The following CCNF variants were observed in gnomAD, a reference collection of about 807,000 sequenced individuals.
The protein encoded by CCNF is cyclin F, also known as cyclin-F.
In CCNF, 30 loss-of-function variants were observed where a neutral mutation model predicts 85.4. The observed-to-expected ratio is 0.35, with a 90% CI of 0.26 to 0.48. CCNF has a LOEUF of 0.48. Ranked by LOEUF, CCNF falls within the 20% of genes least tolerant of loss-of-function variation. The probability of loss-of-function intolerance (pLI) is 0.99; values close to 1 mark genes in which losing one functional copy is unlikely to be tolerated. For missense variants in CCNF, 919 were observed against 1,010.4 expected (o/e 0.91, Z 1.23); for synonymous variants, 439 against 425.1 (o/e 1.03, Z -0.40).
At chr16:2,437,059 G>C in intron 4 of CCNF, 70 bp from the exon 5 acceptor site, 6 of 1,338,210 alleles carry the variant, frequency 4.5e-6, no homozygotes, top group African/African-American at 1.5e-5. Flanking sequence ...TTTCCACCAA[G>C]ACCATGGAGA....
intron 3 of CCNF, 107 bp from the exon 4 acceptor site, chr16:2,435,699 A>G (rs2065287255): frequency 2.1e-6 from 1 of 471,000 alleles, no homozygotes. Flanking sequence ...ATATATATAT[A>G]TATATTCAAT....
In CCNF at chr16:2,454,332, A is replaced by G. The variant is rs370555054; in HGVS notation, c.1715+795A>G. ...CTTTCCATTGTGTGGAAGGCAGGAGACCTGACCCTCCTGTGTCACTCCACA... is the reference window on the plus strand; with the variant it reads ...CTTTCCATTGTGTGGAAGGCAGGAGGCCTGACCCTCCTGTGTCACTCCACA... On this transcript the variant is annotated intron_variant, in intron 15 of 16. Coordinates refer to ENST00000397066, the MANE Select transcript of CCNF (RefSeq NM_001761.3). Among the ~76,000 whole-genome samples, 13 of 152,244 alleles carry G rather than the reference A, an allele frequency of 8.5e-5. No individual in the cohort carries two copies. The East Asian group carries it at 1.4e-3, about 16-fold the overall frequency.
rs758999973 is a variant in CCNF, at chr16:2,456,764, A to G, written c.2105A>G (p.Tyr702Cys). 1.9e-6 allele frequency: 3 copies of G among 1,612,756 alleles called. No homozygotes were observed. Among genetic ancestry groups the G allele is most frequent in the South Asian group, 1.1e-5 (1 of 90,976 alleles). ...EPGKDVTTSGYSSVSTASPTS... is the reference protein window; with the variant it reads ...EPGKDVTTSGCSSVSTASPTS... ...GGGAAGGACGTCACGACCTCAGGGT[A>G]CTCCTCCGTCAGCACCGCAAGTCCC... Residue 702 changes from tyrosine (Y) to cysteine (C), a missense_variant, in exon 17 of 17, where the codon TAC becomes TGC. This residue lies in a region of CCNF where 505 missense variants were observed against 514.8 expected (regional missense o/e 0.98). Coordinates refer to ENST00000397066, the MANE Select transcript of CCNF (RefSeq NM_001761.3). This position sits in a 1 kb window ranked among gnomAD's most constrained non-coding sequence, Gnocchi z 4.5.
At chr16:2,450,452 G>C (rs1322296345) in intron 13 of CCNF, among the ~76,000 whole-genome samples, 1 of 151,574 alleles carries the variant, frequency 6.6e-6, no homozygotes, top group Admixed American at 6.6e-5. Flanking sequence ...CAGAGGTTGC[G>C]GTGAGCCGAG....
chr16:2,443,110 A>G (rs2065341284), intron 8 of CCNF, among the ~76,000 whole-genome samples: 1 of 133,032 alleles, frequency 7.5e-6, no homozygotes, highest in African/African-American at 2.8e-5. Context: ...TTTATATATA[A>G]TATATTACAT....
rs1428319625 is a variant in CCNF at position 2,438,104 on chromosome 16, G to A, written c.575G>A (p.Arg192Lys). 6.2e-7 allele frequency: 1 copy of A among 1,611,584 alleles called. No homozygotes were observed. Among genetic ancestry groups the A allele is most frequent in the African/African-American group, 1.3e-5 (1 of 74,874 alleles). ...HKASILHCLG[R>K]VLSLFEDEEK... ...GCATCCATATTGCACTGCTTGGGCA[G>A]AGTGCTGAGTCTGTTCGAGGTGAGT... Residue 192 changes from arginine to lysine, a missense_variant, in exon 6 of 17, where the codon AGA (arginine) becomes AAA (lysine). Around this residue, in one of 3 missense-constraint regions of CCNF, gnomAD observed 410 missense variants for 478.6 expected, o/e 0.86. Transcript: ENST00000397066.
intron 8 of CCNF, among the ~76,000 whole-genome samples, chr16:2,442,890 A>G (rs191881140): frequency 1.5e-4 from 1 of 6,790 alleles, no homozygotes; most frequent in South Asian, 3.8e-3. Flanking sequence ...ATAATTATAT[A>G]TTATATATTA....
Position 2,437,692 on chromosome 16 carries a change from C to T in CCNF, c.540+370C>T, listed in dbSNP as rs562929497. 6.6e-4 allele frequency: 203 copies of T among 309,836 alleles called. 2 individuals are homozygous for T. Among genetic ancestry groups the T allele is most frequent in the African/African-American group, 4.0e-3 (186 of 46,814 alleles). The allele number at this position is 309,836 out of a possible 1,614,324, so 19.2% of individuals were successfully genotyped here. On this transcript the variant is annotated intron_variant, in intron 5 of 16. Transcript: ENST00000397066. ...TTGCTTGTGGCCAGGTGTTCGAGAC[C>T]AGTCTGGGCAACATGATGAAATCTC... is the stretch of plus-strand genomic sequence containing the variant.
chr16:2,450,783 T>C (rs915589759), intron 13 of CCNF, among the ~76,000 whole-genome samples: 1 of 152,236 alleles, frequency 6.6e-6, no homozygotes, highest in African/African-American at 2.4e-5. Flanking sequence ...TGTCTGCTGC[T>C]GCTTTTGCTC....
intron 2 of CCNF, among the ~76,000 whole-genome samples, chr16:2,431,992 G>A (rs934851113): frequency 4.0e-5 from 6 of 151,802 alleles, no homozygotes; most frequent in African/African-American, 9.7e-5. Flanking sequence ...CACCACGCCC[G>A]GCTAATTTAT....
At chr16:2,443,249 A>G (rs1385110213) in intron 8 of CCNF, among the ~76,000 whole-genome samples, 1 of 148,562 alleles carries the variant, frequency 6.7e-6, no homozygotes, top group Non-Finnish European at 1.5e-5. Flanking sequence ...GCTGTTTTTA[A>G]TAATCACAGT....
At chr16:2,430,885 C>T (rs1567381429) in intron 1 of CCNF, 2 of 666,454 alleles carry the variant, frequency 3.0e-6, no homozygotes, top group Admixed American at 3.8e-5. Flanking sequence ...ATGACATGCG[C>T]TATTTGCCAT....
Position 2,457,131 on chromosome 16 carries a change from C to A in CCNF, c.*111C>A. 1 of 786,560 alleles carries A rather than the reference C, an allele frequency of 1.3e-6. No individual in the cohort carries two copies. The highest frequency in any genetic ancestry group is 2.0e-6 in the Non-Finnish European group (1 of 506,628). The allele number at this position is 786,560 out of a possible 1,614,324, so 48.7% of individuals were successfully genotyped here. A position where few individuals can be genotyped will look rare whatever the true frequency, so the allele number is the denominator to read the frequency against. On this transcript the variant is annotated 3_prime_UTR_variant, in exon 17 of 17. Transcript: ENST00000397066. ...ACCATGGAGGCCTTTGCGCAGAGAG[C>A]AGAGAGGATGACTTGCGGCCACCAA... is the stretch of plus-strand genomic sequence containing the variant.
Position 2,431,249 on chromosome 16 carries a change from T to C in CCNF, c.136T>C (p.Trp46Arg). The change falls in exon 2 of 17, where the codon TGG becomes CGG. Residue 46 changes from tryptophan to arginine, a missense_variant. Trp to Arg is a moderately radical substitution (Grantham distance 101, BLOSUM62 -3). This residue lies in a region of CCNF where 410 missense variants were observed against 478.6 expected (regional missense o/e 0.86). Coordinates refer to ENST00000397066, the MANE Select transcript of CCNF (RefSeq NM_001761.3). ...PEDVLFHILK[W>R]LSVEDILAVR... is the part of the protein sequence containing the mutation. ...AGATGTGCTCTTTCACATCCTGAAA[T>C]GGCTTTCTGTAGAGGACATCCTGGC... The C allele has an allele frequency of 6.8e-6, 11 of 1,614,144 alleles. No individual in the cohort carries two copies. The highest frequency in any genetic ancestry group is 2.2e-5 in the East Asian group (1 of 44,886).
At chr16:2,430,481 G>A (rs1167703435) in intron 1 of CCNF, among the ~76,000 whole-genome samples, 1 of 152,074 alleles carries the variant, frequency 6.6e-6, no homozygotes, top group Non-Finnish European at 1.5e-5. Flanking sequence ...GATTGCATCT[G>A]TACACAAACC....
chr16:2,438,181 T>C, intron 6 of CCNF, 58 bp downstream of exon 6: 1 of 1,269,470 alleles, frequency 7.9e-7, no homozygotes, highest in Non-Finnish European at 1.2e-6. Flanking sequence ...CTAGCCGAGA[T>C]CCTGGAACTG....
chr16:2,455,352 C>T (rs772822770), intron 15 of CCNF, 43 bp from the exon 16 acceptor site: 46 of 1,513,180 alleles, frequency 3.0e-5, no homozygotes, highest in Admixed American at 2.2e-4. Context: ...CTCCCAGCGC[C>T]GCCGTCCATG....
At position 2,456,785 on chromosome 16, in the gene CCNF, G is replaced by A. The variant is rs1174197162; in HGVS notation, c.2126G>A (p.Ser709Asn). 1 of 1,613,712 alleles carries A rather than the reference G, an allele frequency of 6.2e-7. No individual in the cohort carries two copies. Among genetic ancestry groups the A allele is most frequent in the Non-Finnish European group, 8.5e-7 (1 of 1,179,852 alleles). ...GGGTACTCCTCCGTCAGCACCGCAA[G>A]TCCCACAAGCTCCGTGGACGGTGGC... is the stretch of plus-strand genomic sequence containing the variant. ...TSGYSSVSTA[S>N]PTSSVDGGLG... The change falls in exon 17 of 17, where the codon AGT (serine) becomes AAT (asparagine). Residue 709 changes from serine to asparagine, a missense_variant. Ser to Asn is a conservative substitution (Grantham distance 46). Transcript: ENST00000397066. This position sits in a 1 kb window ranked among gnomAD's most constrained non-coding sequence, Gnocchi z 4.5.
intron 9 of CCNF, 82 bp downstream of exon 9, chr16:2,443,882 C>G: frequency 7.4e-7 from 1 of 1,356,122 alleles, no homozygotes; most frequent in Non-Finnish European, 1.0e-6. Context: ...CCACTTAACC[C>G]CAGTTACCTG....
Sources: allele counts gnomAD v4.1 joint callset (sites outside exome capture counted in the v4.1 genomes callset), GRCh38; gene constraint gnomAD v4.1.1; regional missense constraint gnomAD v4.1.1; non-coding constraint Gnocchi (gnomAD v3.1); transcripts MANE v1.5; gene names NCBI Gene and HGNC (gene_info 2026-07-23, HGNC 2026-07-21).